The following DPYD variants were observed in gnomAD, a reference collection of about 807,000 sequenced individuals.
DPYD encodes the protein dihydropyrimidine dehydrogenase.
Under a neutral mutation model 116.2 loss-of-function variants are expected in DPYD, and 109 were observed. The ratio of observed to expected loss-of-function variants is 0.94; its 90% confidence interval spans 0.80 to 1.10. The LOEUF (loss-of-function observed/expected upper bound fraction) is 1.10. Among genes scored for constraint, DPYD ranks in the 50% least tolerant of loss-of-function variants. The probability of loss-of-function intolerance (pLI) is 0.00; values close to 1 mark genes in which losing one functional copy is unlikely to be tolerated. For missense variants in DPYD, 1,302 were observed against 1,254.5 expected, an observed-to-expected ratio of 1.04 and a Z score of -0.57; for synonymous variants, 440 against 432.0, an observed-to-expected ratio of 1.02 and a Z score of -0.23.
intron 2 of DPYD, among the ~76,000 whole-genome samples, chr1:97,862,384 G>T (rs1671162592): frequency 6.6e-6 from 1 of 151,688 alleles, no homozygotes; most frequent in African/African-American, 2.4e-5. Context: ...CACAAGCTGA[G>T]AAATCCAATT....
At chr1:97,751,069 A>G (rs2101097451) in intron 3 of DPYD, among the ~76,000 whole-genome samples, 1 of 152,270 alleles carries the variant, frequency 6.6e-6, no homozygotes, top group East Asian at 1.9e-4. Flanking sequence ...AAAAGACAGT[A>G]TTCATCAATA....
intron 18 of DPYD, among the ~76,000 whole-genome samples, chr1:97,247,047 C>G (rs891690452): frequency 2.0e-4 from 30 of 151,936 alleles, no homozygotes; most frequent in African/African-American, 6.0e-4. Context: ...TTTTATCAAA[C>G]AGAAGGGATA....
chr1:97,438,987 T>A (rs1235734123), intron 14 of DPYD, among the ~76,000 whole-genome samples: 3 of 152,170 alleles, frequency 2.0e-5, no homozygotes, highest in Admixed American at 2.0e-4. Flanking sequence ...CTTTCACTAT[T>A]TAGTATGATA....
At chr1:97,273,785 G>T (rs1319800346) in intron 18 of DPYD, among the ~76,000 whole-genome samples, 4 of 152,066 alleles carry the variant, frequency 2.6e-5, no homozygotes, top group African/African-American at 9.7e-5. Context: ...TGTCTGATAT[G>T]TCTTTTGCAT....
chr1:97,087,948 C>T (rs997410131), intron 21 of DPYD, among the ~76,000 whole-genome samples: 1 of 152,104 alleles, frequency 6.6e-6, no homozygotes, highest in African/African-American at 2.4e-5. Flanking sequence ...AATATTTTCT[C>T]CAAACTCAGA....
chr1:97,200,276 C>T (rs1659112001), intron 19 of DPYD, among the ~76,000 whole-genome samples: 1 of 152,078 alleles, frequency 6.6e-6, no homozygotes, highest in Non-Finnish European at 1.5e-5. Flanking sequence ...TATGTGCCTC[C>T]AGGTTATATG....
intron 6 of DPYD, among the ~76,000 whole-genome samples, chr1:97,693,016 C>T (rs1218514917): frequency 1.3e-5 from 2 of 151,564 alleles, no homozygotes; most frequent in African/African-American, 2.4e-5. Flanking sequence ...GCAAGGTATC[C>T]GCGGTGGCTC....
chr1:97,755,997 ACC>A (rs1415293941), intron 3 of DPYD, among the ~76,000 whole-genome samples: 2 of 152,158 alleles, frequency 1.3e-5, no homozygotes, highest in East Asian at 3.9e-4. Context: ...AACAGGGACT[ACC>A]ACATCAGTTA....
At chr1:97,284,314 T>G (rs1665521561) in intron 18 of DPYD, among the ~76,000 whole-genome samples, 1 of 152,082 alleles carries the variant, frequency 6.6e-6, no homozygotes, top group African/African-American at 2.4e-5. Flanking sequence ...TGATGTATAT[T>G]CTCAATATTA....
intron 11 of DPYD, among the ~76,000 whole-genome samples, chr1:97,564,908 T>C (rs1223669464): frequency 6.6e-6 from 1 of 152,128 alleles, no homozygotes; most frequent in Non-Finnish European, 1.5e-5. Flanking sequence ...TGATGTTGCC[T>C]TCCATGTAAA....
intron 8 of DPYD, among the ~76,000 whole-genome samples, chr1:97,660,166 T>C (rs1659168655): frequency 6.6e-6 from 1 of 152,146 alleles, no homozygotes; most frequent in Non-Finnish European, 1.5e-5. Flanking sequence ...GATTAACTTC[T>C]TTTCAAAGCA....
At chr1:97,339,855 C>T (rs1195937179) in intron 16 of DPYD, among the ~76,000 whole-genome samples, 1 of 152,022 alleles carries the variant, frequency 6.6e-6, no homozygotes, top group African/African-American at 2.4e-5. Flanking sequence ...GAGCTTTCAG[C>T]TACTCAGAAA....
chr1:97,285,224 T>C (rs1415545346), intron 18 of DPYD, among the ~76,000 whole-genome samples: 1 of 152,182 alleles, frequency 6.6e-6, no homozygotes, highest in African/African-American at 2.4e-5. Flanking sequence ...TTGAAGATCA[T>C]GGCTTCTGAA....
chr1:97,535,484 C>A (rs79328803), intron 12 of DPYD, among the ~76,000 whole-genome samples: 5,485 of 152,138 alleles, frequency 0.036, 331 homozygotes, highest in African/African-American at 0.13. Flanking sequence ...AGATTCCCTA[C>A]GTATTGGATC....
chr1:97,526,936 T>C (rs1354375792), intron 12 of DPYD, among the ~76,000 whole-genome samples: 1 of 152,168 alleles, frequency 6.6e-6, no homozygotes, highest in Non-Finnish European at 1.5e-5. Context: ...ATTTTTAAGG[T>C]ATGCATTATT....
At chr1:97,318,841 C>A (rs1668039556) in intron 16 of DPYD, among the ~76,000 whole-genome samples, 1 of 150,214 alleles carries the variant, frequency 6.7e-6, no homozygotes, top group Non-Finnish European at 1.5e-5. Context: ...GTAAAGCACT[C>A]CTCAGCAAAT....
intron 21 of DPYD, among the ~76,000 whole-genome samples, chr1:97,085,571 T>C (rs561314907): frequency 6.6e-6 from 1 of 152,342 alleles, no homozygotes; most frequent in East Asian, 1.9e-4. Flanking sequence ...TAAATCATTT[T>C]GGGAAAGAGT....
intron 2 of DPYD, among the ~76,000 whole-genome samples, chr1:97,873,146 T>A (rs913536058): frequency 6.6e-6 from 1 of 151,910 alleles, no homozygotes; most frequent in African/African-American, 2.4e-5. Flanking sequence ...CCCACTTAGC[T>A]GTCTGGGCAA....
At chr1:97,505,380 T>C (rs115387138) in intron 13 of DPYD, among the ~76,000 whole-genome samples, 2,496 of 151,996 alleles carry the variant, frequency 0.016, 75 homozygotes, top group African/African-American at 0.056. Context: ...CTCGGTTCTC[T>C]CATGACCGTG....
Sources: gnomAD v4.1 joint callset for allele counts (sites outside exome capture counted in the v4.1 genomes callset) on GRCh38, gnomAD v4.1.1 for gene constraint, MANE v1.5 for transcripts, NCBI Gene and HGNC (gene_info 2026-07-23, HGNC 2026-07-21) for gene names.